The following DGKI variants were observed in gnomAD, a reference collection of about 807,000 sequenced individuals.
DGKI encodes DAG kinase iota.
In DGKI, 55 loss-of-function variants were observed where a neutral mutation model predicts 147.5. The observed-to-expected ratio is 0.37, with a 90% CI of 0.30 to 0.47. The LOEUF is 0.47. Ranked by LOEUF, DGKI falls within the 20% of genes least tolerant of loss-of-function variation. The pLI, the probability that DGKI is intolerant of heterozygous loss-of-function variation, is 1.00. For synonymous variants in DGKI, 469 were observed against 477.1 expected, an observed-to-expected ratio of 0.98 and a Z score of 0.22; for missense variants, 1,007 against 1,323.8, an observed-to-expected ratio of 0.76 and a Z score of 3.71.
chr7:137,509,300 G>T (rs115871638), intron 21 of DGKI, among the ~76,000 whole-genome samples: 1,988 of 152,246 alleles, frequency 0.013, 45 homozygotes, highest in African/African-American at 0.045. Flanking sequence ...GAAAAATTAG[G>T]TGAGTGACTG....
chr7:137,538,137 G>A (rs1457807344), intron 20 of DGKI, among the ~76,000 whole-genome samples: 33 of 152,148 alleles, frequency 2.2e-4, no homozygotes, highest in Non-Finnish European at 2.9e-5. Flanking sequence ...TCTGGCCAGA[G>A]GCATGCAAAC....
At chr7:137,599,253 C>T (rs1189971233) in intron 11 of DGKI, among the ~76,000 whole-genome samples, 1 of 152,124 alleles carries the variant, frequency 6.6e-6, no homozygotes, top group African/African-American at 2.4e-5. Context: ...TTATTTTAAA[C>T]ACTTCTAACA....
At chr7:137,762,231 G>A (rs1402822060) in intron 1 of DGKI, among the ~76,000 whole-genome samples, 5 of 152,082 alleles carry the variant, frequency 3.3e-5, no homozygotes, top group Non-Finnish European at 5.9e-5. Flanking sequence ...CTTAACTAGC[G>A]ATCTTCTTAA....
rs760382613 is a variant in DGKI at position 137,619,865 on chromosome 7, T to C, written c.952A>G (p.Ile318Val). The C allele has an allele frequency of 6.2e-7, 1 of 1,613,846 alleles. No homozygotes were observed. The change falls in exon 8 of 33, where the codon ATT (isoleucine) becomes GTT (valine). Residue 318 changes from isoleucine to valine, a missense_variant. Ile to Val is a conservative substitution (Grantham distance 29). Transcript: ENST00000614521. The part of the protein sequence containing the change: ...PCSLGAHAAV[I>V]VPPTWIIKVK... ...TTAATGATCCAAGTGGGCGGGACAATAACAGCAGCATGAGCCCCCAGGGAG... is the reference window on the plus strand; with the variant it reads ...TTAATGATCCAAGTGGGCGGGACAACAACAGCAGCATGAGCCCCCAGGGAG...
intron 8 of DGKI, among the ~76,000 whole-genome samples, chr7:137,618,153 T>TATATATATATATATATATATATATATA: frequency 1.0e-4 from 1 of 9,640 alleles, no homozygotes; most frequent in African/African-American, 1.8e-4. Flanking sequence ...ATATATATAT[T>TATATATATATATATATATATATATATA]TTTTTTTTTT....
chr7:137,649,773 G>GTATATA (rs146209874), intron 5 of DGKI, among the ~76,000 whole-genome samples: 29 of 142,060 alleles, frequency 2.0e-4, no homozygotes, highest in African/African-American at 6.1e-4. Flanking sequence ...ATATATATAT[G>GTATATA]TATATATATA....
intron 26 of DGKI, among the ~76,000 whole-genome samples, chr7:137,465,406 G>C (rs1814615315): frequency 6.6e-6 from 1 of 152,154 alleles, no homozygotes. Context: ...TTACAGATGA[G>C]AAAATAAGCA....
At chr7:137,659,795 T>C (rs1333560702) in intron 3 of DGKI, among the ~76,000 whole-genome samples, 2 of 152,252 alleles carry the variant, frequency 1.3e-5, no homozygotes, top group Admixed American at 6.5e-5. Flanking sequence ...TAGCCAGGCA[T>C]GGTGGTGGGC....
At chr7:137,681,374 T>C (rs1275322704) in intron 2 of DGKI, among the ~76,000 whole-genome samples, 1 of 152,174 alleles carries the variant, frequency 6.6e-6, no homozygotes, top group Non-Finnish European at 1.5e-5. Flanking sequence ...CCTAAAAGTT[T>C]TCAGATAGTG....
At chr7:137,611,981 G>A (rs969803534) in intron 8 of DGKI, among the ~76,000 whole-genome samples, 2 of 152,148 alleles carry the variant, frequency 1.3e-5, no homozygotes, top group African/African-American at 4.8e-5. Context: ...ACATGCTATG[G>A]ACCTAGGTCC....
At position 137,599,411 on chromosome 7, in the gene DGKI, T is replaced by A. The variant is rs561741464; in HGVS notation, c.1250+412A>T. Among the ~76,000 whole-genome samples the A allele has an allele frequency of 3.5e-4, 53 of 150,630 alleles. No individual in the cohort carries two copies. In the East Asian group the frequency reaches 4.7e-3, roughly 13 times the overall value. On this transcript the variant is annotated intron_variant, in intron 11 of 32. Transcript: ENST00000614521. The stretch of plus-strand genomic sequence containing the variant: ...AGCGCGCGCACACACACACACACAC[T>A]CTCTCTTTTCAGTTCAAATATTCAT...
intron 1 of DGKI, among the ~76,000 whole-genome samples, chr7:137,707,370 G>A (rs776120639): frequency 6.6e-6 from 1 of 152,188 alleles, no homozygotes; most frequent in Non-Finnish European, 1.5e-5. Flanking sequence ...TGGACTGATG[G>A]TAGCTTTAGT....
intron 3 of DGKI, among the ~76,000 whole-genome samples, chr7:137,673,782 G>T (rs185051386): frequency 6.6e-6 from 1 of 152,146 alleles, no homozygotes; most frequent in South Asian, 2.1e-4. Flanking sequence ...GTAGGTGCAC[G>T]ATGGTATGGA....
intron 6 of DGKI, among the ~76,000 whole-genome samples, chr7:137,640,782 A>G (rs182993389): frequency 1.1e-4 from 16 of 152,310 alleles, no homozygotes; most frequent in African/African-American, 3.6e-4. Flanking sequence ...TACATATTGT[A>G]CCCTAAGTTC....
rs768344259 is a variant in DGKI, at chr7:137,632,629, C to T, written c.805-9075G>A. On this transcript the variant is annotated intron_variant, in intron 6 of 32. Coordinates refer to ENST00000614521, the MANE Select transcript of DGKI (RefSeq NM_001321708.2). ...ATCCCAGCATTTTGGGAGGCCAAGG[C>T]GGGCAGATCACGAGGTCAGGAGATC... Among the ~76,000 whole-genome samples, 22 of 151,936 alleles carry T rather than the reference C, an allele frequency of 1.4e-4. No homozygotes were observed. The East Asian group carries it at 2.0e-3, about 13-fold the overall frequency.
At chr7:137,757,765 G>A (rs543439758) in intron 1 of DGKI, among the ~76,000 whole-genome samples, 2 of 152,158 alleles carry the variant, frequency 1.3e-5, no homozygotes, top group Non-Finnish European at 1.5e-5. Context: ...GTTCCCCAAG[G>A]CACTGGGCAC....
At chr7:137,710,065 CA>C (rs199773876) in intron 1 of DGKI, among the ~76,000 whole-genome samples, 2,628 of 151,316 alleles carry the variant, frequency 0.017, 86 homozygotes, top group African/African-American at 0.06. Context: ...ATTAGAGATT[CA>C]AAAAAAGAAC....
intron 5 of DGKI, 26 bp downstream of exon 5, chr7:137,654,706 T>A (rs1323139293): frequency 1.3e-6 from 2 of 1,517,072 alleles, no homozygotes; most frequent in Non-Finnish European, 1.8e-6. Context: ...AAGGTGATAC[T>A]TGAAATCAAG....
rs1000557042 is a variant in DGKI, at chr7:137,722,729, T to C, written c.402-32727A>G. 2.5e-6 allele frequency: 4 copies of C among 1,580,460 alleles called. No individual in the cohort carries two copies. In the African/African-American group the frequency reaches 5.4e-5, roughly 21 times the overall value. ...TATGAGATTACGGAGCAGTGCAAGA[T>C]TGAGCAGAAAGCTGTGGACTCACAA... On this transcript the variant is annotated intron_variant, in intron 1 of 32. Coordinates refer to ENST00000614521, the MANE Select transcript of DGKI (RefSeq NM_001321708.2).
Sources: gnomAD v4.1 joint callset for allele counts (sites outside exome capture counted in the v4.1 genomes callset) on GRCh38, gnomAD v4.1.1 for gene constraint, MANE v1.5 for transcripts, NCBI Gene and HGNC (gene_info 2026-07-23, HGNC 2026-07-21) for gene names.